The following CSMD1 variants were observed in gnomAD, a reference collection of about 807,000 sequenced individuals.
CSMD1 encodes CUB and Sushi multiple domains 1.
CSMD1 carries 213 observed loss-of-function variants against 417.5 expected under a neutral mutation model. The ratio of observed to expected loss-of-function variants is 0.51; its 90% CI spans 0.46 to 0.57. The LOEUF (loss-of-function observed/expected upper bound fraction) is 0.57, where lower values mean the gene tolerates loss of function less well. Ranked by LOEUF, CSMD1 falls within the 20% of genes least tolerant of loss-of-function variation. The pLI is 0.00. For missense variants in CSMD1, 6,923 were observed against 4,529.7 expected (o/e 1.53, Z -15.17); for synonymous variants, 2,862 against 1,736.8 (o/e 1.65, Z -16.11).
At chr8:4,982,162 G>C (rs2117437373) in intron 1 of CSMD1, among the ~76,000 whole-genome samples, 1 of 152,292 alleles carries the variant, frequency 6.6e-6, no homozygotes, top group African/African-American at 2.4e-5. Flanking sequence ...CAGAGACCCA[G>C]CTAAGCTGCC....
intron 26 of CSMD1, among the ~76,000 whole-genome samples, chr8:3,266,741 C>T (rs1180114144): frequency 1.3e-5 from 2 of 150,396 alleles, no homozygotes; most frequent in Non-Finnish European, 2.9e-5. Flanking sequence ...TACCACTGCA[C>T]TCCAGCCTGG....
intron 46 of CSMD1, among the ~76,000 whole-genome samples, chr8:3,106,019 A>G (rs1248549327): frequency 6.6e-6 from 1 of 152,186 alleles, no homozygotes; most frequent in Admixed American, 6.5e-5. Context: ...ATTTTCTAGG[A>G]CTAGATAAAA....
chr8:3,166,714 T>C lies in CSMD1; in HGVS notation c.5726-4437A>G, dbSNP rs139088500. ...AGAAATAGACATTTATAAGTATTTA[T>C]ATAGACACAAAACATAGGTATCTAG... On this transcript the variant is annotated intron_variant, in intron 37 of 69. Transcript: ENST00000635120. Among the ~76,000 whole-genome samples the C allele has an allele frequency of 3.8e-3, 572 of 152,228 alleles. 5 individuals carry two copies. Among genetic ancestry groups the C allele is most frequent in the African/African-American group, 0.013 (535 of 41,544 alleles).
intron 5 of CSMD1, among the ~76,000 whole-genome samples, chr8:3,970,325 G>T (rs1337200537): frequency 1.3e-5 from 2 of 152,144 alleles, no homozygotes; most frequent in Admixed American, 6.5e-5. Context: ...TCAACACAGA[G>T]AATCCTATAC....
rs996093788 is a variant in CSMD1 at position 4,142,781 on chromosome 8, C to A, written c.416-110682G>T. Among the ~76,000 whole-genome samples the A allele has an allele frequency of 4.0e-5, 6 of 150,982 alleles. 1 individual carries two copies. The highest frequency in any genetic ancestry group is 2.0e-4 in the Admixed American group (3 of 15,202). Reference sequence around the variant, plus strand: ...AATCACTTCATTAGTGCAAAACAGGCTTCAACAAAGTCTCGTATTTATTTT... The same window carrying A: ...AATCACTTCATTAGTGCAAAACAGGATTCAACAAAGTCTCGTATTTATTTT... On this transcript the variant is annotated intron_variant, in intron 3 of 69. Transcript: ENST00000635120.
At chr8:4,813,438 T>C (rs901130097) in intron 1 of CSMD1, among the ~76,000 whole-genome samples, 2 of 152,222 alleles carry the variant, frequency 1.3e-5, no homozygotes, top group Non-Finnish European at 2.9e-5. Context: ...TGCCTTGTTT[T>C]CTGTATTCTT....
intron 7 of CSMD1, among the ~76,000 whole-genome samples, chr8:3,618,914 C>T (rs896288651): frequency 3.9e-5 from 6 of 152,106 alleles, no homozygotes; most frequent in East Asian, 1.9e-4. Context: ...GCACGATGGT[C>T]GCTCTGTGGG....
In CSMD1 at chr8:4,390,038, T is replaced by C. The variant is rs556214922; in HGVS notation, c.415+29915A>G. ...CCAATTTGCTTTTCACAAATTGCTA[T>C]ACTAATTTACATTTTCTAGAGCAAT... On this transcript the variant is annotated intron_variant, in intron 3 of 69. Coordinates refer to ENST00000635120, the MANE Select transcript of CSMD1 (RefSeq NM_033225.6). Among the ~76,000 whole-genome samples the C allele has an allele frequency of 3.3e-5, 5 of 152,328 alleles. No homozygotes were observed. In the South Asian group the frequency reaches 8.3e-4, roughly 25 times the overall value.
chr8:3,508,188 G>C (rs1017866939), intron 10 of CSMD1, among the ~76,000 whole-genome samples: 8 of 152,078 alleles, frequency 5.3e-5, no homozygotes, highest in African/African-American at 1.9e-4. Flanking sequence ...CAACCTCCTT[G>C]TCTCTTTGGT....
intron 15 of CSMD1, among the ~76,000 whole-genome samples, chr8:3,405,178 A>G (rs528723142): frequency 6.6e-6 from 1 of 152,268 alleles, no homozygotes; most frequent in African/African-American, 2.4e-5. Flanking sequence ...CAAAAATGAT[A>G]TTTTACTTTT....
At chr8:4,141,301 C>T (rs1308414837) in intron 3 of CSMD1, among the ~76,000 whole-genome samples, 1 of 151,030 alleles carries the variant, frequency 6.6e-6, no homozygotes, top group African/African-American at 2.5e-5. Flanking sequence ...CCGTAATTCC[C>T]AAGATGGAAA....
intron 7 of CSMD1, among the ~76,000 whole-genome samples, chr8:3,627,237 G>C (rs190860926): frequency 2.0e-5 from 3 of 152,146 alleles, no homozygotes; most frequent in African/African-American, 7.2e-5. Context: ...TTAAGATTGT[G>C]ATAAAAACCT....
At chr8:3,254,890 C>A (rs1348632898) in intron 26 of CSMD1, among the ~76,000 whole-genome samples, 3 of 152,192 alleles carry the variant, frequency 2.0e-5, no homozygotes, top group Admixed American at 2.0e-4. Flanking sequence ...CATTCTCCAT[C>A]CAGCTTTGTT....
intron 4 of CSMD1, among the ~76,000 whole-genome samples, chr8:4,026,377 C>A (rs536606564): frequency 3.0e-4 from 45 of 152,340 alleles, no homozygotes; most frequent in African/African-American, 9.6e-4. Context: ...TAAAAGCACA[C>A]TGATCTCATT....
At chr8:3,405,540 C>T (rs1210941603) in intron 15 of CSMD1, among the ~76,000 whole-genome samples, 2 of 152,164 alleles carry the variant, frequency 1.3e-5, no homozygotes, top group Non-Finnish European at 2.9e-5. Context: ...ACCCTCAGCG[C>T]CTCAGATGGT....
At chr8:3,056,330 G>C (rs999251498) in intron 49 of CSMD1, among the ~76,000 whole-genome samples, 6 of 152,108 alleles carry the variant, frequency 3.9e-5, no homozygotes, top group African/African-American at 1.4e-4. Context: ...TCAAATAGTG[G>C]TTAACTTTGT....
chr8:4,857,026 C>G (rs903630533), intron 1 of CSMD1, among the ~76,000 whole-genome samples: 14 of 149,048 alleles, frequency 9.4e-5, no homozygotes, highest in African/African-American at 2.7e-4. Context: ...GTAAAGCTCT[C>G]CTCAGCAAAT....
At chr8:3,849,801 G>C (rs1057186540) in intron 5 of CSMD1, among the ~76,000 whole-genome samples, 4 of 147,842 alleles carry the variant, frequency 2.7e-5, no homozygotes, top group African/African-American at 7.8e-5. Flanking sequence ...TTGTGAGACA[G>C]AGTATATCTT....
At chr8:3,849,118 C>G (rs796198613) in intron 5 of CSMD1, among the ~76,000 whole-genome samples, 4 of 152,076 alleles carry the variant, frequency 2.6e-5, no homozygotes, top group South Asian at 2.1e-4. Context: ...GAAAGTTACA[C>G]TGAAAGACAA....
Sources: allele counts gnomAD v4.1 joint callset (sites outside exome capture counted in the v4.1 genomes callset), GRCh38; gene constraint gnomAD v4.1.1; transcripts MANE v1.5; gene names NCBI Gene and HGNC (gene_info 2026-07-23, HGNC 2026-07-21).